CACHD1: variants seen among roughly 807,000 people sequenced by gnomAD.
CACHD1 encodes cache domain containing 1, also known as VWFA and cache domain-containing protein 1.
CACHD1 carries 71 observed loss-of-function variants against 138.7 expected under a neutral mutation model. The ratio of observed to expected loss-of-function variants is 0.51; its 90% CI spans 0.42 to 0.62. The LOEUF (loss-of-function observed/expected upper bound fraction) is 0.62, where lower values mean the gene tolerates loss of function less well. Ranked by LOEUF, CACHD1 falls within the 20% of genes least tolerant of loss-of-function variation. CACHD1 has a pLI of 0.00. For missense variants in CACHD1, 1,389 were observed against 1,625.3 expected (o/e 0.85, Z 2.50); for synonymous variants, 578 against 591.5 (o/e 0.98, Z 0.33).
chr1:64,679,312 G>T (rs1161240951), intron 23 of CACHD1, among the ~76,000 whole-genome samples: 1 of 152,182 alleles, frequency 6.6e-6, no homozygotes, highest in African/African-American at 2.4e-5. Context: ...GTTGGATGCT[G>T]CCTGTGTAAG....
At chr1:64,536,328 G>T (rs1409879011) in intron 1 of CACHD1, among the ~76,000 whole-genome samples, 1 of 152,096 alleles carries the variant, frequency 6.6e-6, no homozygotes, top group Non-Finnish European at 1.5e-5. Flanking sequence ...CTTGCTTCCA[G>T]AACCCATGCT....
intron 1 of CACHD1, among the ~76,000 whole-genome samples, chr1:64,475,597 AGTGCAGTGGC>A (rs1646170270): frequency 6.6e-6 from 1 of 152,102 alleles, no homozygotes; most frequent in Admixed American, 6.6e-5. Context: ...CCCAGGCTGG[AGTGCAGTGGC>A]GTGATCTCTG....
intron 4 of CACHD1, among the ~76,000 whole-genome samples, chr1:64,608,772 T>G (rs1647420385): frequency 6.6e-6 from 1 of 152,206 alleles, no homozygotes; most frequent in Admixed American, 6.5e-5. Context: ...CTCTTTTTTT[T>G]CTTTTAAATT....
chr1:64,642,077 G>A (rs1226867847), intron 8 of CACHD1, 108 bp downstream of exon 8: 21 of 1,026,962 alleles, frequency 2.0e-5, no homozygotes, highest in East Asian at 5.8e-5. Context: ...TGAAGGCTAC[G>A]GGAAAAGGCA....
At chr1:64,643,384 G>C (rs1179455814) in intron 8 of CACHD1, among the ~76,000 whole-genome samples, 2 of 152,170 alleles carry the variant, frequency 1.3e-5, no homozygotes, top group African/African-American at 2.4e-5. Context: ...GTCCACATTT[G>C]CTAGTCGTTT....
At chr1:64,537,783 C>G (rs1356253764) in intron 1 of CACHD1, among the ~76,000 whole-genome samples, 1 of 152,146 alleles carries the variant, frequency 6.6e-6, no homozygotes, top group Non-Finnish European at 1.5e-5. Context: ...AAGTGCTATA[C>G]TTTCATTGAG....
chr1:64,602,803 C>T lies in CACHD1; in HGVS notation c.411-3C>T. The stretch of plus-strand genomic sequence containing the variant: ...TATTGCTAATTCTCTCCTATTGTTT[C>T]AGATTCGATGGGAACTTTAATACCA... On this transcript the variant is annotated splice_polypyrimidine_tract_variant and splice_region_variant and intron_variant, in intron 3 of 26. Transcript: ENST00000651257. The T allele has an allele frequency of 6.2e-7, 1 of 1,600,698 alleles. No individual in the cohort carries two copies. The highest frequency in any genetic ancestry group is 1.1e-5 in the South Asian group (1 of 90,682).
At chr1:64,499,952 A>G (rs776091629) in intron 1 of CACHD1, among the ~76,000 whole-genome samples, 2 of 152,244 alleles carry the variant, frequency 1.3e-5, no homozygotes, top group Non-Finnish European at 2.9e-5. Flanking sequence ...GAAGAAGCTA[A>G]GAACACCTGG....
chr1:64,556,825 C>A (rs1382801437), intron 2 of CACHD1, among the ~76,000 whole-genome samples: 1 of 152,202 alleles, frequency 6.6e-6, no homozygotes, highest in Non-Finnish European at 1.5e-5. Flanking sequence ...ATTCCACGCA[C>A]ACATTCTTGT....
At chr1:64,666,021 A>T (rs781532277) in intron 15 of CACHD1, 36 bp from the exon 16 acceptor site, 6 of 1,278,344 alleles carry the variant, frequency 4.7e-6, no homozygotes, top group East Asian at 4.7e-5. Flanking sequence ...AATAAATAAA[A>T]AATAAAATAA....
chr1:64,611,801 C>T (rs937953557), intron 4 of CACHD1, among the ~76,000 whole-genome samples: 3 of 152,206 alleles, frequency 2.0e-5, no homozygotes, highest in African/African-American at 7.2e-5. Flanking sequence ...CTTCCACATT[C>T]TCAGGTATCT....
chr1:64,500,712 T>C (rs1179502303), intron 1 of CACHD1, among the ~76,000 whole-genome samples: 1 of 61,134 alleles, frequency 1.6e-5, no homozygotes, highest in Admixed American at 2.6e-4. Flanking sequence ...CAAGACCTTG[T>C]CTCTTAAAAA....
At chr1:64,575,299 A>G (rs1646958461) in intron 2 of CACHD1, among the ~76,000 whole-genome samples, 2 of 152,204 alleles carry the variant, frequency 1.3e-5, no homozygotes, top group Admixed American at 1.3e-4. Context: ...CTGAACCATT[A>G]TGACTATTAC....
At chr1:64,550,535 C>A in intron 1 of CACHD1, 59 bp from the exon 2 acceptor site, 2 of 1,180,548 alleles carry the variant, frequency 1.7e-6, no homozygotes, top group Non-Finnish European at 1.3e-6. Context: ...TTCACATACA[C>A]ACTCATGTAG....
At chr1:64,608,531 A>T (rs972219679) in intron 4 of CACHD1, among the ~76,000 whole-genome samples, 8 of 152,132 alleles carry the variant, frequency 5.3e-5, no homozygotes, top group Non-Finnish European at 7.3e-5. Context: ...TAAATTATAA[A>T]CCATTCTTAA....
chr1:64,654,451 T>C (rs1490271163), intron 11 of CACHD1, among the ~76,000 whole-genome samples: 2 of 152,238 alleles, frequency 1.3e-5, no homozygotes, highest in Non-Finnish European at 2.9e-5. Context: ...AGTTAGTCTC[T>C]GGAAAGAATT....
intron 25 of CACHD1, among the ~76,000 whole-genome samples, chr1:64,681,541 G>GGTTTTTTTTTGTTTTTTTT (rs1553146851): frequency 9.7e-4 from 66 of 68,040 alleles, no homozygotes; most frequent in East Asian, 6.4e-3. Context: ...ATTTTATTGT[G>GGTTTTTTTTTGTTTTTTTT]TTTTTTTTTT....
chr1:64,589,877 C>G (rs1405175974), intron 3 of CACHD1, among the ~76,000 whole-genome samples: 1 of 152,106 alleles, frequency 6.6e-6, no homozygotes, highest in Non-Finnish European at 1.5e-5. Context: ...CCCCTTTTAT[C>G]TTTAGAAAGG....
chr1:64,514,368 C>T (rs569086652), intron 1 of CACHD1, among the ~76,000 whole-genome samples: 1 of 152,296 alleles, frequency 6.6e-6, no homozygotes, highest in South Asian at 2.1e-4. Context: ...CAAGTCTAAC[C>T]ATATGGCTCT....
Sources: allele counts gnomAD v4.1 joint callset (sites outside exome capture counted in the v4.1 genomes callset), GRCh38; gene constraint gnomAD v4.1.1; transcripts MANE v1.5; gene names NCBI Gene and HGNC (gene_info 2026-07-23, HGNC 2026-07-21).